LMAN2L: variants seen among roughly 807,000 people sequenced by gnomAD.
LMAN2L encodes lectin, mannose binding 2 like.
A neutral mutation model predicts 44.3 loss-of-function variants in LMAN2L; 30 were observed. That is an observed-to-expected ratio of 0.68 (90% confidence interval 0.51 to 0.92). LMAN2L has a LOEUF of 0.92. Ranked by LOEUF, LMAN2L falls within the 40% of genes least tolerant of loss-of-function variation. The pLI is 0.00. For missense variants in LMAN2L, 429 were observed against 446.1 expected (o/e 0.96, Z 0.35); for synonymous variants, 183 against 171.1 (o/e 1.07, Z -0.54).
intron 4 of LMAN2L, among the ~76,000 whole-genome samples, chr2:96,731,104 C>T (rs988823351): frequency 6.6e-6 from 1 of 152,192 alleles, no homozygotes; most frequent in Non-Finnish European, 1.5e-5. Flanking sequence ...ACCAACACTA[C>T]TGCCCCACTT....
At chr2:96,712,141 C>G in intron 4 of LMAN2L, 116 bp from the exon 5 acceptor site, 2 of 990,072 alleles carry the variant, frequency 2.0e-6, no homozygotes, top group Non-Finnish European at 3.0e-6. Flanking sequence ...GAATAGGCAG[C>G]CACTCGACCT....
chr2:96,712,315 C>G (rs1032847251), intron 4 of LMAN2L, among the ~76,000 whole-genome samples: 2 of 152,210 alleles, frequency 1.3e-5, no homozygotes, highest in African/African-American at 2.4e-5. Flanking sequence ...ACTTGAATGC[C>G]CCAAGGTCAC....
At position 96,720,809 on chromosome 2, in the gene LMAN2L, GGC is replaced by G. The variant is rs1316737971; in HGVS notation, c.508-8786_508-8785del. 2.5e-3 allele frequency among the ~76,000 whole-genome samples: 374 copies of G among 152,112 alleles called. 2 individuals are homozygous for G. Among genetic ancestry groups the G allele is most frequent in the Non-Finnish European group, 4.4e-3 (296 of 67,980 alleles). On this transcript the variant is annotated intron_variant, in intron 4 of 7. Coordinates refer to ENST00000264963, the MANE Select transcript of LMAN2L (RefSeq NM_030805.4). ...CAAAAATTAGCCAGGCGTGGTGGCA[GGC>G]ACCTGTAATCCCAGCTACTCGGAAT...
chr2:96,713,407 C>T (rs1033769318), intron 4 of LMAN2L, among the ~76,000 whole-genome samples: 10 of 152,038 alleles, frequency 6.6e-5, no homozygotes, highest in Non-Finnish European at 1.2e-4. Context: ...TCAAAGGGGT[C>T]CCCTAGGAAG....
intron 4 of LMAN2L, among the ~76,000 whole-genome samples, chr2:96,714,837 C>T (rs1387485577): frequency 6.6e-6 from 1 of 152,342 alleles, no homozygotes; most frequent in East Asian, 1.9e-4. Context: ...CAGAGGCATG[C>T]TGGACCTTGG....
intron 1 of LMAN2L, 148 bp downstream of exon 1, chr2:96,739,706 C>T: frequency 1.3e-6 from 1 of 789,674 alleles, no homozygotes; most frequent in Non-Finnish European, 2.0e-6. Context: ...ACCTGTGGCT[C>T]CCAAACGCGG....
At chr2:96,710,209 G>A (rs2077882767) in intron 6 of LMAN2L, among the ~76,000 whole-genome samples, 1 of 152,138 alleles carries the variant, frequency 6.6e-6, no homozygotes, top group African/African-American at 2.4e-5. Flanking sequence ...GGCAGGTGAT[G>A]GAAACATTCA....
intron 4 of LMAN2L, among the ~76,000 whole-genome samples, chr2:96,718,411 T>C (rs1360993044): frequency 6.6e-6 from 1 of 152,252 alleles, no homozygotes; most frequent in East Asian, 1.9e-4. Context: ...AAACAGTATT[T>C]ACAACATGAT....
intron 6 of LMAN2L, among the ~76,000 whole-genome samples, chr2:96,709,026 T>G (rs1387097826): frequency 2.0e-5 from 3 of 146,718 alleles, no homozygotes; most frequent in African/African-American, 7.6e-5. Flanking sequence ...GCAATTCCCC[T>G]GCCTCAGCCT....
At position 96,734,413 on chromosome 2, in the gene LMAN2L, C is replaced by G; in HGVS notation, c.420G>C (p.Gln140His). Residue 140 changes from glutamine to histidine, a missense_variant, in exon 3 of 8, where the codon CAG (glutamine) becomes CAC (histidine). Gln to His is a conservative substitution (Grantham distance 24, BLOSUM62 0). Coordinates refer to ENST00000264963, the MANE Select transcript of LMAN2L (RefSeq NM_030805.4). ...LAIWYTKDRM[Q>H]PGPVFGNMDK... ...AGTAACACAGGCTCCCAATACCTGG[C>G]TGCATCCGATCCTTTGTGTACCAGA... 1 of 1,587,066 alleles carries G rather than the reference C, an allele frequency of 6.3e-7. No individual in the cohort carries two copies. The highest frequency in any genetic ancestry group is 8.7e-7 in the Non-Finnish European group (1 of 1,155,226).
intron 7 of LMAN2L, 33 bp from the exon 8 acceptor site, chr2:96,707,431 C>T: frequency 6.3e-7 from 1 of 1,591,716 alleles, no homozygotes; most frequent in Admixed American, 1.8e-5. Flanking sequence ...AGTCAGAAAA[C>T]AGGGAGCCCA....
chr2:96,710,827 C>G (rs968183011), intron 6 of LMAN2L, among the ~76,000 whole-genome samples: 8 of 152,160 alleles, frequency 5.3e-5, no homozygotes, highest in African/African-American at 1.9e-4. Flanking sequence ...AACTTCTATT[C>G]CAAACTAGCT....
chr2:96,724,199 G>A (rs1464746703), intron 4 of LMAN2L, among the ~76,000 whole-genome samples: 2 of 152,122 alleles, frequency 1.3e-5, no homozygotes, highest in Non-Finnish European at 2.9e-5. Context: ...CTACCCAGAT[G>A]CCAGTAGCAC....
intron 6 of LMAN2L, among the ~76,000 whole-genome samples, 187 bp downstream of exon 6, chr2:96,711,469 G>A (rs1401728339): frequency 6.6e-6 from 1 of 152,228 alleles, no homozygotes; most frequent in Non-Finnish European, 1.5e-5. Context: ...AGTGACAACT[G>A]TACTAGGAAA....
chr2:96,723,167 C>T (rs2078195519), intron 4 of LMAN2L, among the ~76,000 whole-genome samples: 13 of 152,166 alleles, frequency 8.5e-5, no homozygotes, highest in Admixed American at 8.5e-4. Context: ...ACATTCCCAC[C>T]AGCAGTCTAT....
In LMAN2L at chr2:96,706,502, A is replaced by C. The variant is rs1324845700; in HGVS notation, c.*754T>G. 2 of 152,204 alleles carry C rather than the reference A, an allele frequency of 1.3e-5. No homozygotes were observed. Among genetic ancestry groups the C allele is most frequent in the Non-Finnish European group, 2.9e-5 (2 of 68,042 alleles). 9.4% of individuals were successfully genotyped at this position (152,204 alleles called of 1,614,324 possible). A position where few individuals can be genotyped will look rare whatever the true frequency, so the allele number is the denominator to read the frequency against. On this transcript the variant is annotated 3_prime_UTR_variant, in exon 8 of 8. Coordinates refer to ENST00000264963, the MANE Select transcript of LMAN2L (RefSeq NM_030805.4). ...TCTCTTGATTTTTACACCAACCTTTAGCCAAACTTCACTGAGGGCCTGAAG... is the reference window on the plus strand; with the variant it reads ...TCTCTTGATTTTTACACCAACCTTTCGCCAAACTTCACTGAGGGCCTGAAG...
intron 3 of LMAN2L, among the ~76,000 whole-genome samples, chr2:96,734,111 C>T (rs1051887749): frequency 4.6e-5 from 7 of 152,198 alleles, no homozygotes; most frequent in Non-Finnish European, 1.0e-4. Flanking sequence ...AAGAAATCAG[C>T]TCACCCAATC....
rs537710192 is a variant in LMAN2L at position 96,728,658 on chromosome 2, C to T, written c.507+4861G>A. On this transcript the variant is annotated intron_variant, in intron 4 of 7. Coordinates refer to ENST00000264963, the MANE Select transcript of LMAN2L (RefSeq NM_030805.4). ...TGGAGTTTGAGACCAGCCTGGCCAACGCAGTGAAACGCCGCCTCTACTAGA... is the reference window on the plus strand; with the variant it reads ...TGGAGTTTGAGACCAGCCTGGCCAATGCAGTGAAACGCCGCCTCTACTAGA... Among the ~76,000 whole-genome samples the T allele has an allele frequency of 1.4e-3, 207 of 152,130 alleles. 1 individual carries two copies. Among genetic ancestry groups the T allele is most frequent in the African/African-American group, 4.7e-3 (195 of 41,498 alleles).
Position 96,711,787 on chromosome 2 carries a change from G to T in LMAN2L, c.670-17C>A. 6.2e-7 allele frequency: 1 copy of T among 1,613,168 alleles called. No individual in the cohort carries two copies. Among genetic ancestry groups the T allele is most frequent in the South Asian group, 1.1e-5 (1 of 91,060 alleles). On this transcript the variant is annotated splice_polypyrimidine_tract_variant and intron_variant, in intron 5 of 7. Coordinates refer to ENST00000264963, the MANE Select transcript of LMAN2L (RefSeq NM_030805.4). ...CATCATTATCTAGAATAAAAAGAGA[G>T]ATAAATCAGGGTCAGGCCATGGGAG...
Sources: allele counts gnomAD v4.1 joint callset (sites outside exome capture counted in the v4.1 genomes callset), GRCh38; gene constraint gnomAD v4.1.1; transcripts MANE v1.5; gene names NCBI Gene and HGNC (gene_info 2026-07-23, HGNC 2026-07-21).